RMDN2: variants seen among roughly 807,000 people sequenced by gnomAD.
RMDN2 encodes the protein regulator of microtubule dynamics protein 2.
RMDN2 carries 61 observed loss-of-function variants against 52.8 expected under a neutral mutation model. The observed-to-expected ratio is 1.16, with a 90% CI of 0.94 to 1.43. The LOEUF (loss-of-function observed/expected upper bound fraction) is 1.43, where lower values mean the gene tolerates loss of function less well. Ranked by LOEUF, RMDN2 falls within the 40% of genes most tolerant of loss-of-function variation. The pLI is 0.00. For missense variants in RMDN2, 592 were observed against 475.3 expected, an observed-to-expected ratio of 1.25 and a Z score of -2.28; for synonymous variants, 180 against 153.1, an observed-to-expected ratio of 1.18 and a Z score of -1.30.
At chr2:38,028,591 C>T (rs539726644) in intron 10 of RMDN2, among the ~76,000 whole-genome samples, 1 of 152,272 alleles carries the variant, frequency 6.6e-6, no homozygotes, top group Non-Finnish European at 1.5e-5. Flanking sequence ...CAGGGTGAGC[C>T]CTCCAAGAAC....
At chr2:37,930,691 C>T (rs1666660221) in intron 2 of RMDN2, among the ~76,000 whole-genome samples, 1 of 152,276 alleles carries the variant, frequency 6.6e-6, no homozygotes, top group Non-Finnish European at 1.5e-5. Flanking sequence ...AGCAGAGAGG[C>T]CCCCAACCCT....
At chr2:38,022,454 C>T (rs1242765288), downstream of RMDN2, among the ~76,000 whole-genome samples, 2 of 152,192 alleles carry the variant, frequency 1.3e-5, no homozygotes, top group Non-Finnish European at 2.9e-5. Context: ...GAAGTCCAAG[C>T]TGATGGTACA....
At chr2:37,942,219 C>G (rs1434381462) in intron 2 of RMDN2, among the ~76,000 whole-genome samples, 4 of 152,164 alleles carry the variant, frequency 2.6e-5, no homozygotes, top group Admixed American at 1.3e-4. Context: ...ACCTCACCCT[C>G]CATAGGCTGC....
At chr2:37,921,589 T>G (rs527771695), upstream of RMDN2, among the ~76,000 whole-genome samples, 2 of 152,300 alleles carry the variant, frequency 1.3e-5, no homozygotes, top group East Asian at 3.9e-4. Flanking sequence ...CCTAAATAAC[T>G]GAAGTGGGGG....
chr2:37,921,118 G>A (rs771959230), upstream of RMDN2, among the ~76,000 whole-genome samples: 6 of 151,944 alleles, frequency 3.9e-5, no homozygotes, highest in Non-Finnish European at 7.4e-5. Flanking sequence ...CATAAATATC[G>A]TTGTTAATTT....
At position 37,963,137 on chromosome 2, in the gene RMDN2, T is replaced by TC. The variant is rs1223756497; in HGVS notation, c.453-10901dup. The TC allele has an allele frequency of 2.0e-5, 3 of 152,322 alleles. No individual in the cohort carries two copies. In the East Asian group the frequency reaches 5.8e-4, roughly 29 times the overall value. 9.4% of individuals were successfully genotyped at this position (152,322 alleles called of 1,614,324 possible). The stretch of plus-strand genomic sequence containing the variant: ...GCTGGGAGCTGCAGACCGGAGCTGT[T>TC]CCTAGTCAGCCATCTTGCCTGGAAC... On this transcript the variant is annotated intron_variant, in intron 2 of 10. Transcript: ENST00000354545.
chr2:37,952,290 T>C, intron 2 of RMDN2: 1 of 1,222,346 alleles, frequency 8.2e-7, no homozygotes, highest in South Asian at 1.4e-5. Context: ...TCATTTCTCA[T>C]AACTCCCCTT....
chr2:37,985,609 G>T (rs1364043552), intron 5 of RMDN2, among the ~76,000 whole-genome samples: 1 of 152,106 alleles, frequency 6.6e-6, no homozygotes, highest in African/African-American at 2.4e-5. Context: ...TCTGTATCTT[G>T]GTCCCCAGTG....
chr2:38,044,745 C>G (rs768799696), intron 10 of RMDN2, among the ~76,000 whole-genome samples: 3 of 151,948 alleles, frequency 2.0e-5, no homozygotes, highest in Non-Finnish European at 4.4e-5. Flanking sequence ...CCTTTTGATT[C>G]TTTTTAGGGT....
chr2:37,972,667 G>C (rs533324731), intron 2 of RMDN2, among the ~76,000 whole-genome samples: 1 of 152,322 alleles, frequency 6.6e-6, no homozygotes, highest in African/African-American at 2.4e-5. Context: ...GGTGTGATAA[G>C]GGGTCATTGC....
intron 10 of RMDN2, among the ~76,000 whole-genome samples, chr2:38,063,769 T>C (rs1408797737): frequency 6.6e-6 from 1 of 152,238 alleles, no homozygotes; most frequent in Non-Finnish European, 1.5e-5. Flanking sequence ...TCTCATACTG[T>C]AGCGTTTTGC....
chr2:38,021,708 T>A (rs1340281737), downstream of RMDN2, among the ~76,000 whole-genome samples: 2 of 152,176 alleles, frequency 1.3e-5, no homozygotes, highest in Non-Finnish European at 2.9e-5. Context: ...ATCCCTCACA[T>A]GCACAGTTCA....
At chr2:38,003,604 G>GATAGATAGATAGATAGA (rs1306774545) in intron 8 of RMDN2, among the ~76,000 whole-genome samples, 20 of 103,250 alleles carry the variant, frequency 1.9e-4, no homozygotes, top group South Asian at 1.7e-3. Flanking sequence ...AGATAGATAG[G>GATAGATAGATAGATAGA]CAGACAGACA....
chr2:37,930,851 A>G (rs1666676057), intron 2 of RMDN2, among the ~76,000 whole-genome samples: 1 of 152,192 alleles, frequency 6.6e-6, no homozygotes, highest in Non-Finnish European at 1.5e-5. Flanking sequence ...GCTGGTGCCC[A>G]GCCTCTGGCA....
intron 10 of RMDN2, among the ~76,000 whole-genome samples, chr2:38,032,401 T>C (rs1304900781): frequency 1.3e-5 from 2 of 152,252 alleles, no homozygotes; most frequent in African/African-American, 4.8e-5. Flanking sequence ...TTGAGATTCA[T>C]CTATGATATT....
In RMDN2 at chr2:37,958,337, GTTC is replaced by G. The variant is rs368248812; in HGVS notation, c.453-15697_453-15695del. Among the ~76,000 whole-genome samples the G allele has an allele frequency of 9.2e-5, 14 of 151,462 alleles. No individual in the cohort carries two copies. In the South Asian group the frequency reaches 1.2e-3, roughly 13 times the overall value. ...TTATTTCCTTGAGAAGTGGTTTGTA[GTTC>G]TTCTTGAAGAAGTCCTTCACATCCC... is the stretch of plus-strand genomic sequence containing the variant. On this transcript the variant is annotated intron_variant, in intron 2 of 10. Transcript: ENST00000354545.
chr2:37,950,711 G>C (rs1271482347), intron 2 of RMDN2: 3 of 995,240 alleles, frequency 3.0e-6, no homozygotes, highest in Non-Finnish European at 4.8e-6. Context: ...GGACTGTCCA[G>C]ATATTCACTT....
At chr2:38,038,826 G>T (rs1444043154) in intron 10 of RMDN2, among the ~76,000 whole-genome samples, 1 of 152,014 alleles carries the variant, frequency 6.6e-6, no homozygotes, top group Non-Finnish European at 1.5e-5. Flanking sequence ...TGATCCTGGG[G>T]AGGATCACTG....
chr2:37,941,805 G>C (rs1343274368), intron 2 of RMDN2, among the ~76,000 whole-genome samples: 1 of 152,128 alleles, frequency 6.6e-6, no homozygotes, highest in Non-Finnish European at 1.5e-5. Context: ...AGAATTTCCA[G>C]CCAGTGGATC....
Sources: gnomAD v4.1 joint callset for allele counts (sites outside exome capture counted in the v4.1 genomes callset) on GRCh38, gnomAD v4.1.1 for gene constraint, MANE v1.5 for transcripts, NCBI Gene and HGNC (gene_info 2026-07-23, HGNC 2026-07-21) for gene names.